The following CCDC7 variants were observed in gnomAD, a reference collection of about 807,000 sequenced individuals.
The protein encoded by CCDC7 is coiled-coil domain containing 7.
Under a neutral mutation model 196.9 loss-of-function variants are expected in CCDC7, and 183 were observed. That is an observed-to-expected ratio of 0.93 (90% CI 0.82 to 1.05). The LOEUF (loss-of-function observed/expected upper bound fraction) is 1.05. Among genes scored for constraint, CCDC7 ranks in the 50% least tolerant of loss-of-function variants. The pLI is 0.00. For missense variants in CCDC7, 1,540 were observed against 1,482.2 expected, an observed-to-expected ratio of 1.04 and a Z score of -0.64; for synonymous variants, 525 against 484.6, an observed-to-expected ratio of 1.08 and a Z score of -1.10.
At chr10:32,713,872 A>T (rs1456521204) in intron 25 of CCDC7, among the ~76,000 whole-genome samples, 2 of 152,242 alleles carry the variant, frequency 1.3e-5, no homozygotes, top group East Asian at 3.8e-4. Flanking sequence ...TAATATCTGG[A>T]CTATATCTGA....
At chr10:32,634,620 C>T (rs950492132) in intron 19 of CCDC7, among the ~76,000 whole-genome samples, 14 of 152,154 alleles carry the variant, frequency 9.2e-5, no homozygotes, top group Admixed American at 3.3e-4. Context: ...TGGTCTCGAA[C>T]TCCTGACCTC....
chr10:32,700,158 G>T (rs1470399760), intron 24 of CCDC7, among the ~76,000 whole-genome samples: 1 of 149,344 alleles, frequency 6.7e-6, no homozygotes, highest in Non-Finnish European at 1.5e-5. Flanking sequence ...GTATTGCCTA[G>T]GTTTTCTTCT....
chr10:32,731,241 A>G (rs1165404032), intron 28 of CCDC7, among the ~76,000 whole-genome samples: 1 of 152,144 alleles, frequency 6.6e-6, no homozygotes, highest in Non-Finnish European at 1.5e-5. Flanking sequence ...TCTGACATTG[A>G]CATAATTACT....
chr10:32,510,479 A>T (rs1184462461), intron 9 of CCDC7, among the ~76,000 whole-genome samples: 1 of 152,222 alleles, frequency 6.6e-6, no homozygotes, highest in Admixed American at 6.5e-5. Context: ...ACAAACAATT[A>T]TGGTATTAAT....
chr10:32,833,585 A>G (rs965888336), intron 32 of CCDC7, among the ~76,000 whole-genome samples: 1 of 152,142 alleles, frequency 6.6e-6, no homozygotes, highest in Non-Finnish European at 1.5e-5. Context: ...CTCCTTGCTT[A>G]TACCAGTTAG....
exon 34 of CCDC7, chr10:32,845,269 G>A (rs2093216422): frequency 1.3e-6 from 2 of 1,573,118 alleles, no homozygotes; most frequent in East Asian, 4.6e-5. Flanking sequence ...CTTAGCAGAT[G>A]ATACTGGAAG....
At chr10:32,450,955 T>G (rs2032907375), upstream of CCDC7, among the ~76,000 whole-genome samples, 1 of 152,166 alleles carries the variant, frequency 6.6e-6, no homozygotes. Context: ...CTTGTTGTTT[T>G]CTGTTGTTAG....
At chr10:32,575,528 A>G (rs1417726286) in intron 16 of CCDC7, among the ~76,000 whole-genome samples, 3 of 152,194 alleles carry the variant, frequency 2.0e-5, no homozygotes, top group Non-Finnish European at 2.9e-5. Flanking sequence ...CCCTTCTCAC[A>G]TATCACTTCA....
chr10:32,719,413 A>G (rs1000147575), intron 25 of CCDC7, among the ~76,000 whole-genome samples: 22 of 152,216 alleles, frequency 1.4e-4, no homozygotes, highest in African/African-American at 4.1e-4. Flanking sequence ...ACCTAAAACC[A>G]TAAAAACCCT....
At chr10:32,877,778 G>A (rs1233853087), downstream of CCDC7, among the ~76,000 whole-genome samples, 1 of 152,066 alleles carries the variant, frequency 6.6e-6, no homozygotes, top group African/African-American at 2.4e-5. Context: ...GAACTCACCT[G>A]GGGCTTTTAA....
intron 21 of CCDC7, among the ~76,000 whole-genome samples, chr10:32,668,861 C>A (rs528620700): frequency 3.3e-5 from 5 of 152,114 alleles, no homozygotes; most frequent in African/African-American, 1.2e-4. Flanking sequence ...ATTTTACTTC[C>A]CCCATCCAAT....
intron 18 of CCDC7, among the ~76,000 whole-genome samples, chr10:32,590,797 G>A (rs1173189598): frequency 6.6e-6 from 1 of 152,062 alleles, no homozygotes; most frequent in East Asian, 1.9e-4. Context: ...CTTTAAATAT[G>A]TCCTACTACT....
chr10:32,635,646 AAAAC>A (rs375507648), intron 20 of CCDC7, among the ~76,000 whole-genome samples: 91 of 152,138 alleles, frequency 6.0e-4, no homozygotes, highest in African/African-American at 1.8e-3. Flanking sequence ...AACAAAACCC[AAAAC>A]AAACAAACAA....
intron 28 of CCDC7, among the ~76,000 whole-genome samples, chr10:32,742,875 C>T (rs1317907437): frequency 6.6e-6 from 1 of 152,146 alleles, no homozygotes; most frequent in African/African-American, 2.4e-5. Context: ...CAAATACAGT[C>T]ACATTAGAGA....
chr10:32,564,046 A>C (rs1035156080), intron 13 of CCDC7, among the ~76,000 whole-genome samples: 1 of 152,206 alleles, frequency 6.6e-6, no homozygotes, highest in African/African-American at 2.4e-5. Flanking sequence ...AAACACATGA[A>C]AAAATGCTCA....
intron 38 of CCDC7, 134 bp downstream of exon 39, chr10:32,848,050 T>C (rs2093383271): frequency 1.9e-6 from 1 of 521,892 alleles, no homozygotes; most frequent in South Asian, 3.6e-5. Flanking sequence ...CTCATATAAT[T>C]AGTTAAACTC....
intron 30 of CCDC7, among the ~76,000 whole-genome samples, chr10:32,810,054 G>A (rs2086747362): frequency 6.8e-6 from 1 of 146,620 alleles, no homozygotes; most frequent in African/African-American, 2.4e-5. Context: ...ACACAAATGA[G>A]GAAGAAAAAG....
chr10:32,820,030 G>C lies in CCDC7; in HGVS notation c.3182-4488G>C, dbSNP rs539943344. Among the ~76,000 whole-genome samples the C allele has an allele frequency of 5.3e-5, 8 of 152,220 alleles. No individual in the cohort carries two copies. The South Asian group carries it at 8.3e-4, about 16-fold the overall frequency. ...AGGAAAAGAGGAAGTCACATTGTCC[G>C]TGTTTGGAGATGACATGATTGTATA... On this transcript the variant is annotated intron_variant, in intron 31 of 41. Coordinates refer to ENST00000639629, the Ensembl canonical transcript of CCDC7.
intron 30 of CCDC7, among the ~76,000 whole-genome samples, chr10:32,806,282 TG>T (rs1479032905): frequency 2.0e-5 from 3 of 152,154 alleles, no homozygotes; most frequent in Non-Finnish European, 4.4e-5. Context: ...AAATTAAGAT[TG>T]CTACATTATA....
Sources: gnomAD v4.1 joint callset for allele counts (sites outside exome capture counted in the v4.1 genomes callset) on GRCh38, gnomAD v4.1.1 for gene constraint, MANE v1.5 for transcripts, NCBI Gene and HGNC (gene_info 2026-07-23, HGNC 2026-07-21) for gene names.